Variants in CFAP299 observed in about 807,000 individuals in gnomAD.
CFAP299 encodes the protein cilia and flagella associated protein 299, also known as cilia- and flagella-associated protein 299.
In CFAP299, 21 loss-of-function variants were observed where a neutral mutation model predicts 27.0. The ratio of observed to expected loss-of-function variants is 0.78; its 90% CI spans 0.55 to 1.12. The LOEUF is 1.12. Among genes scored for constraint, CFAP299 ranks in the 50% most tolerant of loss-of-function variants. The probability of loss-of-function intolerance (pLI) is 0.00; values close to 1 mark genes in which losing one functional copy is unlikely to be tolerated. For missense variants in CFAP299, 310 were observed against 276.6 expected (o/e 1.12, Z -0.86); for synonymous variants, 104 against 98.1 (o/e 1.06, Z -0.36).
At chr4:80,947,680 C>T (rs1737546079) in intron 5 of CFAP299, among the ~76,000 whole-genome samples, 1 of 152,064 alleles carries the variant, frequency 6.6e-6, no homozygotes, top group South Asian at 2.1e-4. Context: ...AAAAAATCTC[C>T]ATAAAAAGTC....
intron 3 of CFAP299, among the ~76,000 whole-genome samples, chr4:80,719,301 A>G (rs1037791582): frequency 2.0e-5 from 3 of 152,174 alleles, no homozygotes; most frequent in African/African-American, 7.2e-5. Context: ...AATATTTAAA[A>G]TAAACCTAAA....
chr4:80,767,466 A>T (rs946045154), intron 3 of CFAP299, among the ~76,000 whole-genome samples: 1 of 151,992 alleles, frequency 6.6e-6, no homozygotes, highest in Non-Finnish European at 1.5e-5. Context: ...AAAATTAGCC[A>T]GGCGTGGTGG....
intron 2 of CFAP299, among the ~76,000 whole-genome samples, chr4:80,522,411 CA>C (rs1322787600): frequency 6.6e-6 from 1 of 151,996 alleles, no homozygotes; most frequent in Non-Finnish European, 1.5e-5. Context: ...AAACCCTTAT[CA>C]GTTAAAGGTT....
intron 3 of CFAP299, among the ~76,000 whole-genome samples, chr4:80,608,785 G>C (rs1344961895): frequency 6.6e-6 from 1 of 151,896 alleles, no homozygotes; most frequent in Non-Finnish European, 1.5e-5. Flanking sequence ...AATAGAGTTA[G>C]AAACAGAATA....
At chr4:80,632,333 A>C (rs984739543) in intron 3 of CFAP299, among the ~76,000 whole-genome samples, 1 of 152,112 alleles carries the variant, frequency 6.6e-6, no homozygotes, top group African/African-American at 2.4e-5. Context: ...TCTTCATATC[A>C]CTTAATTTGC....
chr4:80,533,022 A>G (rs573116290), intron 2 of CFAP299, among the ~76,000 whole-genome samples: 7 of 152,234 alleles, frequency 4.6e-5, no homozygotes, highest in South Asian at 4.1e-4. Flanking sequence ...TTGTGTGTCT[A>G]TTTCCCATCT....
chr4:80,701,702 C>T (rs1447307981), intron 3 of CFAP299, among the ~76,000 whole-genome samples: 1 of 151,884 alleles, frequency 6.6e-6, no homozygotes, highest in African/African-American at 2.4e-5. Flanking sequence ...ATCTCTTGCA[C>T]TTATCTTTTT....
At chr4:80,855,661 G>GT (rs1414736346) in intron 3 of CFAP299, among the ~76,000 whole-genome samples, 9 of 152,026 alleles carry the variant, frequency 5.9e-5, no homozygotes, top group Non-Finnish European at 1.0e-4. Context: ...GCGGTGTTTA[G>GT]TTTTTTGTTC....
chr4:80,739,140 A>T (rs1724100326), intron 3 of CFAP299, among the ~76,000 whole-genome samples: 1 of 151,930 alleles, frequency 6.6e-6, no homozygotes, highest in African/African-American at 2.4e-5. Flanking sequence ...TGTTTTAGTT[A>T]TTGGTTTTCA....
At chr4:80,876,362 A>G (rs1325160430) in intron 4 of CFAP299, among the ~76,000 whole-genome samples, 2 of 151,988 alleles carry the variant, frequency 1.3e-5, no homozygotes, top group Non-Finnish European at 2.9e-5. Flanking sequence ...ATAGTGAGTG[A>G]GTTCTCACAA....
intron 2 of CFAP299, among the ~76,000 whole-genome samples, chr4:80,370,816 GGCACAGGGT>G (rs1376807927): frequency 4.6e-5 from 7 of 152,214 alleles, no homozygotes; most frequent in Admixed American, 1.3e-4. Flanking sequence ...GGCTTTTCCA[GGCACAGGGT>G]GCAACTTTTG....
chr4:80,373,540 C>T (rs1206335363), intron 2 of CFAP299, among the ~76,000 whole-genome samples: 1 of 152,134 alleles, frequency 6.6e-6, no homozygotes, highest in Non-Finnish European at 1.5e-5. Flanking sequence ...CCTCAAGTAA[C>T]CATCTTTAAT....
chr4:80,717,189 T>A (rs1722538211), intron 3 of CFAP299, among the ~76,000 whole-genome samples: 1 of 152,088 alleles, frequency 6.6e-6, no homozygotes, highest in African/African-American at 2.4e-5. Flanking sequence ...ATGTGATGAA[T>A]ACTATGATAG....
At chr4:80,463,132 A>G (rs569147459) in intron 2 of CFAP299, among the ~76,000 whole-genome samples, 1 of 149,626 alleles carries the variant, frequency 6.7e-6, no homozygotes, top group Admixed American at 6.7e-5. Context: ...TTTCTGGGCA[A>G]CATTCAATCA....
chr4:80,346,992 C>A (rs1051343686), intron 1 of CFAP299, among the ~76,000 whole-genome samples: 2 of 152,100 alleles, frequency 1.3e-5, no homozygotes, highest in African/African-American at 2.4e-5. Context: ...CCTTCACATC[C>A]CTTTTAAGTT....
chr4:80,557,292 T>C (rs191960230), intron 2 of CFAP299, among the ~76,000 whole-genome samples: 191 of 152,232 alleles, frequency 1.3e-3, no homozygotes, highest in African/African-American at 4.3e-3. Context: ...GTTTAATTTC[T>C]GGTCTTGTGT....
chr4:80,537,980 T>C (rs1733825225), intron 2 of CFAP299, among the ~76,000 whole-genome samples: 1 of 152,188 alleles, frequency 6.6e-6, no homozygotes, highest in Non-Finnish European at 1.5e-5. Flanking sequence ...CTCTGAAATC[T>C]GTCATATGAA....
chr4:80,638,116 G>A (rs1392845014), intron 3 of CFAP299, among the ~76,000 whole-genome samples: 3 of 152,180 alleles, frequency 2.0e-5, no homozygotes, highest in Admixed American at 6.5e-5. Context: ...GAGAAACTGA[G>A]ACTCAGAAAG....
At chr4:80,827,263 A>T (rs1363412189) in intron 3 of CFAP299, among the ~76,000 whole-genome samples, 2 of 151,766 alleles carry the variant, frequency 1.3e-5, no homozygotes, top group African/African-American at 2.4e-5. Context: ...CTGCAAGAAA[A>T]CTGTAGACCA....
Sources: allele counts gnomAD v4.1 joint callset (sites outside exome capture counted in the v4.1 genomes callset), GRCh38; gene constraint gnomAD v4.1.1; transcripts MANE v1.5; gene names NCBI Gene and HGNC (gene_info 2026-07-23, HGNC 2026-07-21).